The following KIAA0825 variants were observed in gnomAD, a reference collection of about 807,000 sequenced individuals.
KIAA0825 encodes the protein KIAA0825.
KIAA0825 carries 119 observed loss-of-function variants against 147.6 expected under a neutral mutation model. The ratio of observed to expected loss-of-function variants is 0.81; its 90% CI spans 0.69 to 0.94. The LOEUF is 0.94. Among genes scored for constraint, KIAA0825 ranks in the 40% least tolerant of loss-of-function variants. KIAA0825 has a pLI of 0.00. For synonymous variants in KIAA0825, 470 were observed against 518.1 expected (o/e 0.91, Z 1.26); for missense variants, 1,381 against 1,472.7 (o/e 0.94, Z 1.02).
intron 20 of KIAA0825, among the ~76,000 whole-genome samples, chr5:94,342,794 AT>A (rs928593459): frequency 1.3e-5 from 2 of 152,128 alleles, no homozygotes; most frequent in Non-Finnish European, 2.9e-5. Flanking sequence ...TAAGAAAAAA[AT>A]CATATTAAAA....
At chr5:94,371,821 T>A (rs934855853) in intron 20 of KIAA0825, among the ~76,000 whole-genome samples, 8 of 152,150 alleles carry the variant, frequency 5.3e-5, no homozygotes, top group African/African-American at 1.7e-4. Context: ...AAAGTCTTAA[T>A]TCACTCCAAC....
intron 14 of KIAA0825, among the ~76,000 whole-genome samples, chr5:94,432,023 A>G (rs773828374): frequency 4.6e-5 from 7 of 152,234 alleles, no homozygotes; most frequent in Non-Finnish European, 8.8e-5. Context: ...CTGTATGTGA[A>G]TAAGATTATG....
At chr5:94,360,750 AG>A (rs1273703647) in intron 20 of KIAA0825, among the ~76,000 whole-genome samples, 6 of 152,226 alleles carry the variant, frequency 3.9e-5, no homozygotes, top group Non-Finnish European at 8.8e-5. Context: ...CCCCTGGTTT[AG>A]GATATAATCT....
chr5:94,343,401 GA>G (rs113470926), intron 20 of KIAA0825, among the ~76,000 whole-genome samples: 114 of 152,220 alleles, frequency 7.5e-4, no homozygotes, highest in African/African-American at 2.6e-3. Flanking sequence ...TTAAGAAGGT[GA>G]AAAGGAGGCC....
chr5:94,585,040 G>A (rs1025701099), intron 1 of KIAA0825, among the ~76,000 whole-genome samples: 1 of 152,084 alleles, frequency 6.6e-6, no homozygotes, highest in Admixed American at 6.5e-5. Context: ...CCTGAAGGAA[G>A]CACTAAACAT....
chr5:94,551,999 G>A (rs1167062444), intron 2 of KIAA0825, among the ~76,000 whole-genome samples: 1 of 151,790 alleles, frequency 6.6e-6, no homozygotes, highest in Non-Finnish European at 1.5e-5. Context: ...CAAAGAACAA[G>A]ACCCAACTAT....
intron 10 of KIAA0825, among the ~76,000 whole-genome samples, chr5:94,468,126 T>C (rs1381172141): frequency 6.6e-6 from 1 of 152,206 alleles, no homozygotes; most frequent in African/African-American, 2.4e-5. Context: ...GCTAAAGCCT[T>C]GTCATAAGAT....
At chr5:94,614,837 C>T (rs192023342) in intron 1 of KIAA0825, among the ~76,000 whole-genome samples, 1 of 152,102 alleles carries the variant, frequency 6.6e-6, no homozygotes. Context: ...ATATTCTTCA[C>T]CTTTGTCTAA....
chr5:94,183,214 T>C (rs903294975), intron 20 of KIAA0825, among the ~76,000 whole-genome samples: 2 of 152,180 alleles, frequency 1.3e-5, no homozygotes, highest in Non-Finnish European at 2.9e-5. Context: ...CCAAAAATAA[T>C]TGATATACAA....
At chr5:94,529,227 CAT>C (rs1255472248) in intron 3 of KIAA0825, among the ~76,000 whole-genome samples, 16 of 128,548 alleles carry the variant, frequency 1.2e-4, no homozygotes, top group African/African-American at 5.2e-4. Context: ...ATGTATGTAT[CAT>C]ATATATGTAT....
intron 2 of KIAA0825, among the ~76,000 whole-genome samples, chr5:94,553,223 G>A (rs532799101): frequency 6.6e-6 from 1 of 152,212 alleles, no homozygotes; most frequent in African/African-American, 2.4e-5. Flanking sequence ...TGGATCACCT[G>A]AGGTCAGGAT....
chr5:94,425,974 A>G (rs1005857601), intron 14 of KIAA0825, among the ~76,000 whole-genome samples: 15 of 151,838 alleles, frequency 9.9e-5, no homozygotes, highest in Non-Finnish European at 1.5e-5. Context: ...CAGCCTTCCA[A>G]GTAGCTGGGA....
intron 5 of KIAA0825, among the ~76,000 whole-genome samples, chr5:94,511,709 C>T (rs1175121194): frequency 2.6e-5 from 4 of 151,984 alleles, no homozygotes; most frequent in Admixed American, 6.6e-5. Flanking sequence ...TTGACTTGGC[C>T]GGGCGCAGTG....
intron 20 of KIAA0825, among the ~76,000 whole-genome samples, chr5:94,255,785 C>T (rs1776223090): frequency 8.4e-6 from 1 of 118,658 alleles, no homozygotes; most frequent in Non-Finnish European, 1.6e-5. Context: ...ATGGCATGAT[C>T]ACATGGAGCC....
At chr5:94,219,433 G>A (rs528278643) in intron 20 of KIAA0825, among the ~76,000 whole-genome samples, 2 of 152,174 alleles carry the variant, frequency 1.3e-5, no homozygotes, top group South Asian at 4.1e-4. Context: ...TGTGGCCTGG[G>A]GGTTGGAGAC....
At chr5:94,401,848 T>C (rs151148753) in intron 16 of KIAA0825, among the ~76,000 whole-genome samples, 320 of 152,308 alleles carry the variant, frequency 2.1e-3, no homozygotes, top group African/African-American at 7.3e-3. Context: ...TTAGTAAATT[T>C]CTACTGAATG....
chr5:94,214,934 A>G (rs1301474110), intron 20 of KIAA0825, among the ~76,000 whole-genome samples: 1 of 152,254 alleles, frequency 6.6e-6, no homozygotes. Flanking sequence ...AATTATACAC[A>G]TGAAATGCAA....
chr5:94,605,922 A>G (rs1260198899), intron 1 of KIAA0825, among the ~76,000 whole-genome samples: 1 of 152,216 alleles, frequency 6.6e-6, no homozygotes, highest in Non-Finnish European at 1.5e-5. Flanking sequence ...GAGCAATCAG[A>G]GAAGAGAAAG....
At chr5:94,497,028 G>T (rs899357967) in intron 5 of KIAA0825, among the ~76,000 whole-genome samples, 7 of 152,062 alleles carry the variant, frequency 4.6e-5, no homozygotes, top group Non-Finnish European at 1.0e-4. Flanking sequence ...AATAGGATTT[G>T]CCACGGCATT....
Sources: gnomAD v4.1 joint callset for allele counts (sites outside exome capture counted in the v4.1 genomes callset) on GRCh38, gnomAD v4.1.1 for gene constraint, MANE v1.5 for transcripts, NCBI Gene and HGNC (gene_info 2026-07-23, HGNC 2026-07-21) for gene names.